The following PTTG1IP2 variants were observed in gnomAD, a reference collection of about 807,000 sequenced individuals.
The protein encoded by PTTG1IP2 is PTTG1IP family member 2.
chr7:90,512,541 T>G (rs11563856), intron 6 of PTTG1IP2, among the ~76,000 whole-genome samples: 15,881 of 152,124 alleles, frequency 0.1, 1,438 homozygotes, highest in East Asian at 0.5. Flanking sequence ...ATAGAAATAT[T>G]CGGGGATAAG....
intron 1 of PTTG1IP2, chr7:90,470,260 C>G (rs1172999222): frequency 6.6e-6 from 1 of 152,126 alleles, no homozygotes; most frequent in Non-Finnish European, 1.5e-5. Flanking sequence ...TAATCAGACC[C>G]ACTCAATGGT....
chr7:90,478,469 T>G (rs989053573), intron 1 of PTTG1IP2, among the ~76,000 whole-genome samples: 3 of 152,174 alleles, frequency 2.0e-5, no homozygotes, highest in African/African-American at 7.2e-5. Flanking sequence ...AAAACTGAAC[T>G]GTAAAATTTT....
intron 6 of PTTG1IP2, among the ~76,000 whole-genome samples, chr7:90,512,361 C>T (rs1798200312): frequency 6.6e-6 from 1 of 152,080 alleles, no homozygotes; most frequent in African/African-American, 2.4e-5. Flanking sequence ...GGAGAATGTA[C>T]TTGCAATAAC....
intron 6 of PTTG1IP2, among the ~76,000 whole-genome samples, chr7:90,505,781 G>A (rs1426222688): frequency 1.3e-5 from 2 of 151,626 alleles, no homozygotes; most frequent in African/African-American, 2.4e-5. Context: ...TCAGGAGATC[G>A]AGACCATCCT....
At chr7:90,506,445 TC>T (rs1368598031) in intron 6 of PTTG1IP2, among the ~76,000 whole-genome samples, 2 of 152,292 alleles carry the variant, frequency 1.3e-5, no homozygotes, top group South Asian at 2.1e-4. Flanking sequence ...CATTAATTCT[TC>T]CCCCATTTTT....
intron 6 of PTTG1IP2, among the ~76,000 whole-genome samples, chr7:90,503,654 GC>G (rs1160078384): frequency 2.0e-5 from 3 of 152,180 alleles, no homozygotes; most frequent in Admixed American, 1.3e-4. Flanking sequence ...TTGGGGAACG[GC>G]CAGTCAGTGG....
At chr7:90,509,410 C>G (rs1798160090) in intron 6 of PTTG1IP2, among the ~76,000 whole-genome samples, 1 of 151,852 alleles carries the variant, frequency 6.6e-6, no homozygotes, top group African/African-American at 2.4e-5. Context: ...AAAAAGAGTC[C>G]CTGGAAGAGA....
intron 6 of PTTG1IP2, among the ~76,000 whole-genome samples, chr7:90,505,411 C>T (rs749181645): frequency 5.3e-5 from 8 of 152,046 alleles, no homozygotes; most frequent in Non-Finnish European, 7.4e-5. Context: ...ATTTGGATGC[C>T]CAAATAATTA....
At chr7:90,488,090 C>T (rs1473633125) in intron 3 of PTTG1IP2, among the ~76,000 whole-genome samples, 2 of 152,050 alleles carry the variant, frequency 1.3e-5, no homozygotes, top group African/African-American at 2.4e-5. Context: ...CGTACCAGTA[C>T]CATTTAAGAA....
At chr7:90,508,851 A>G (rs193285789) in intron 6 of PTTG1IP2, among the ~76,000 whole-genome samples, 2 of 152,326 alleles carry the variant, frequency 1.3e-5, no homozygotes, top group East Asian at 1.9e-4. Context: ...TATGTGGACT[A>G]TGCTTCCACA....
chr7:90,486,098 C>G (rs535301219), intron 2 of PTTG1IP2, among the ~76,000 whole-genome samples: 1 of 152,246 alleles, frequency 6.6e-6, no homozygotes, highest in African/African-American at 2.4e-5. Flanking sequence ...TTGGTACTTA[C>G]GCAGTGTCTA....
intron 5 of PTTG1IP2, among the ~76,000 whole-genome samples, chr7:90,492,717 C>T (rs1041869178): frequency 2.0e-5 from 3 of 152,224 alleles, no homozygotes; most frequent in Non-Finnish European, 2.9e-5. Flanking sequence ...TTTTCCAACC[C>T]AGTCGGAGAT....
chr7:90,474,939 G>C lies in PTTG1IP2; in HGVS notation c.146-4289G>C, dbSNP rs112674209. Among the ~76,000 whole-genome samples, 234 of 152,298 alleles carry C rather than the reference G, an allele frequency of 1.5e-3. 2 individuals are homozygous for C. Among genetic ancestry groups the C allele is most frequent in the African/African-American group, 4.9e-3 (202 of 41,564 alleles). On this transcript the variant is annotated intron_variant, in intron 1 of 6. Transcript: ENST00000509356. ...ACAAGATTCCAAAGGAAATGACTAAGCTGGCAAGTAGATTGGCTTGCCACA... is the reference window on the plus strand; with the variant it reads ...ACAAGATTCCAAAGGAAATGACTAACCTGGCAAGTAGATTGGCTTGCCACA...
intron 6 of PTTG1IP2, among the ~76,000 whole-genome samples, chr7:90,505,594 A>C (rs1441476768): frequency 6.6e-6 from 1 of 152,168 alleles, no homozygotes; most frequent in Non-Finnish European, 1.5e-5. Flanking sequence ...GTCAGTTAAG[A>C]GTGAGTATGA....
chr7:90,484,035 T>G (rs1344654957), intron 2 of PTTG1IP2, among the ~76,000 whole-genome samples: 1 of 151,870 alleles, frequency 6.6e-6, no homozygotes. Flanking sequence ...CTGGATAGTT[T>G]TTTTTTTTTT....
At chr7:90,503,119 G>T (rs541725911) in intron 6 of PTTG1IP2, among the ~76,000 whole-genome samples, 1 of 152,080 alleles carries the variant, frequency 6.6e-6, no homozygotes, top group African/African-American at 2.4e-5. Flanking sequence ...CTGCTGCTTC[G>T]CCTTGCACTT....
chr7:90,492,512 A>ATGTG (rs907047769), intron 5 of PTTG1IP2, among the ~76,000 whole-genome samples: 1 of 152,332 alleles, frequency 6.6e-6, no homozygotes, highest in Admixed American at 6.5e-5. Flanking sequence ...ATTGCATTGC[A>ATGTG]TACATATTGC....
At chr7:90,498,930 C>T (rs541446314) in intron 6 of PTTG1IP2, among the ~76,000 whole-genome samples, 62 of 152,286 alleles carry the variant, frequency 4.1e-4, no homozygotes, top group African/African-American at 1.4e-3. Flanking sequence ...TGGCTCACTG[C>T]AGCCTCCACC....
intron 1 of PTTG1IP2, among the ~76,000 whole-genome samples, chr7:90,471,247 T>G (rs1403247700): frequency 6.6e-6 from 1 of 152,122 alleles, no homozygotes; most frequent in Non-Finnish European, 1.5e-5. Context: ...CTTCCAAAAC[T>G]GAAAAGGGGC....
Sources: gnomAD v4.1 joint callset for allele counts (sites outside exome capture counted in the v4.1 genomes callset) on GRCh38, gnomAD v4.1.1 for gene constraint, MANE v1.5 for transcripts, NCBI Gene and HGNC (gene_info 2026-07-23, HGNC 2026-07-21) for gene names.